Variants in PRDM16 observed in about 807,000 individuals in gnomAD.
PRDM16 encodes the protein PR/SET domain 16.
PRDM16 carries 23 observed loss-of-function variants against 110.6 expected under a neutral mutation model. The observed-to-expected ratio is 0.21, with a 90% CI of 0.15 to 0.29. PRDM16 has a LOEUF of 0.29. Ranked by LOEUF, PRDM16 falls within the 10% of genes least tolerant of loss-of-function variation. The pLI, the probability that PRDM16 is intolerant of heterozygous loss-of-function variation, is 1.00. For missense variants in PRDM16, 1,615 were observed against 1,794.3 expected (o/e 0.90, Z 1.81); for synonymous variants, 799 against 781.8 (o/e 1.02, Z -0.37).
intron 1 of PRDM16, among the ~76,000 whole-genome samples, chr1:3,163,750 G>A (rs538819961): frequency 9.2e-5 from 14 of 152,174 alleles, no homozygotes; most frequent in Non-Finnish European, 1.8e-4. Context: ...CTCAGCCTCT[G>A]TGTGCATGTC....
chr1:3,110,892 T>C (rs1259430271), intron 1 of PRDM16, among the ~76,000 whole-genome samples: 1 of 152,110 alleles, frequency 6.6e-6, no homozygotes, highest in Non-Finnish European at 1.5e-5. Context: ...GCCGAGTCCT[T>C]GCCGCCTGAT....
intron 1 of PRDM16, among the ~76,000 whole-genome samples, chr1:3,097,502 A>G (rs1039473356): frequency 6.6e-6 from 1 of 152,186 alleles, no homozygotes; most frequent in Non-Finnish European, 1.5e-5. Context: ...CTCATTCCAT[A>G]CAGGCCAGAA....
In PRDM16 at chr1:3,069,304, TC is replaced by T; in HGVS notation, c.37+11del. On this transcript the variant is annotated intron_variant, in intron 1 of 16. Coordinates refer to ENST00000270722, the MANE Select transcript of PRDM16 (RefSeq NM_022114.4). This position sits in a 1 kb window ranked among gnomAD's most constrained non-coding sequence, Gnocchi z 6.1. ...CGAGGAAGCTAGCCAAAAGTAAGTC[TC>T]CCGCGCTCGGCCGCGCCGCGCCGCC... 1.4e-6 allele frequency: 2 copies of T among 1,440,272 alleles called. No individual in the cohort carries two copies. The highest frequency in any genetic ancestry group is 1.8e-6 in the Non-Finnish European group (2 of 1,081,886). The allele number at this position is 1,440,272 out of a possible 1,614,324, so 89.2% of individuals were successfully genotyped here.
chr1:3,373,984 CTT>C (rs1222435413), intron 3 of PRDM16, among the ~76,000 whole-genome samples: 2 of 152,364 alleles, frequency 1.3e-5, no homozygotes, highest in Admixed American at 1.3e-4. Context: ...CTGGGTGGAG[CTT>C]GGCCTGCTTC....
Position 3,333,564 on chromosome 1 carries a change from G to A in PRDM16, c.439-51588G>A, listed in dbSNP as rs371851593. ...ATCTGCCCCTTTGATGAGCACAGAC[G>A]TCTCTCCTCCAAAAAGCCTTCCTCC... On this transcript the variant is annotated intron_variant, in intron 3 of 16. Transcript: ENST00000270722. 2.8e-4 allele frequency among the ~76,000 whole-genome samples: 43 copies of A among 152,282 alleles called. No individual in the cohort carries two copies. In the South Asian group the frequency reaches 8.1e-3, roughly 29 times the overall value.
At chr1:3,281,049 G>A (rs76794425) in intron 3 of PRDM16, among the ~76,000 whole-genome samples, 2,575 of 152,284 alleles carry the variant, frequency 0.017, 79 homozygotes, top group African/African-American at 0.059. Context: ...TTCAACACCG[G>A]GCAAGTCCCT....
intron 2 of PRDM16, among the ~76,000 whole-genome samples, chr1:3,193,482 G>A (rs1227777347): frequency 5.3e-5 from 8 of 152,204 alleles, no homozygotes; most frequent in South Asian, 2.1e-4. Flanking sequence ...TGTGTCCAGC[G>A]CCCACTGCTC....
At chr1:3,380,552 G>T (rs1431891090) in intron 3 of PRDM16, among the ~76,000 whole-genome samples, 1 of 152,154 alleles carries the variant, frequency 6.6e-6, no homozygotes, top group Non-Finnish European at 1.5e-5. Context: ...GGGAGTTGTT[G>T]CCTCTGGTCT....
intron 1 of PRDM16, among the ~76,000 whole-genome samples, chr1:3,185,500 G>C (rs1307794450): frequency 1.3e-5 from 2 of 151,958 alleles, no homozygotes; most frequent in African/African-American, 4.8e-5. Flanking sequence ...GGATGTCCAG[G>C]CTGCGGCCCA....
rs773659514 is a variant in PRDM16, at chr1:3,157,183, C to T, written c.38-28942C>T. ...AGGGCGGGACCTGGAGAAGGAGGGC[C>T]GCTCGGCAACCGCTGAGCCGGCGCA... On this transcript the variant is annotated intron_variant, in intron 1 of 16. Transcript: ENST00000270722. This position sits in a 1 kb window ranked among gnomAD's most constrained non-coding sequence, Gnocchi z 4.8. Among the ~76,000 whole-genome samples, 36 of 152,076 alleles carry T rather than the reference C, an allele frequency of 2.4e-4. No homozygotes were observed. The highest frequency in any genetic ancestry group is 4.7e-4 in the Non-Finnish European group (32 of 67,994).
At chr1:3,234,398 A>T (rs1321583054) in intron 2 of PRDM16, among the ~76,000 whole-genome samples, 1 of 151,792 alleles carries the variant, frequency 6.6e-6, no homozygotes, top group African/African-American at 2.4e-5. Context: ...TCCATCCTCA[A>T]CTCCCCAGGC....
chr1:3,349,550 G>T (rs1305257557), intron 3 of PRDM16, among the ~76,000 whole-genome samples: 1 of 152,132 alleles, frequency 6.6e-6, no homozygotes, highest in African/African-American at 2.4e-5. Flanking sequence ...TCAACCCAAG[G>T]GTGTCCTTGT....
Position 3,336,051 on chromosome 1 carries a change from G to A in PRDM16, c.439-49101G>A, listed in dbSNP as rs149468703. Among the ~76,000 whole-genome samples, 919 of 152,328 alleles carry A rather than the reference G, an allele frequency of 6.0e-3. 9 individuals carry two copies. The highest frequency in any genetic ancestry group is 0.02 in the African/African-American group (845 of 41,560). On this transcript the variant is annotated intron_variant, in intron 3 of 16. Coordinates refer to ENST00000270722, the MANE Select transcript of PRDM16 (RefSeq NM_022114.4). ...ACAGCCTGCCCAGAGTATCGCTGAC[G>A]CTGATGTGCAGAACCCCAATCTCCA...
chr1:3,277,974 G>T (rs1436756961), intron 3 of PRDM16, among the ~76,000 whole-genome samples: 2 of 152,230 alleles, frequency 1.3e-5, no homozygotes, highest in African/African-American at 4.8e-5. Flanking sequence ...CTCTAGGTCA[G>T]CGATCATTGC....
chr1:3,135,376 C>A (rs542235753), intron 1 of PRDM16, among the ~76,000 whole-genome samples: 3 of 152,188 alleles, frequency 2.0e-5, no homozygotes, highest in South Asian at 4.1e-4. Flanking sequence ...ACGGGCCCGA[C>A]ATTTTCTCAA....
Position 3,385,153 on chromosome 1 carries a change from T to C in PRDM16, c.440T>C (p.Ile147Thr). The C allele has an allele frequency of 6.2e-7, 1 of 1,613,374 alleles. No homozygotes were observed. Among genetic ancestry groups the C allele is most frequent in the Non-Finnish European group, 8.5e-7 (1 of 1,179,998 alleles). The part of the protein sequence containing the change: ...VSPQEGCITK[I>T]SEDLGSEKFC... Reference sequence around the variant, plus strand: ...CCCGCTTCGCTTTCCTCCCAGCAGATCTCCGAAGACCTGGGCAGTGAGAAG... The same window carrying C: ...CCCGCTTCGCTTTCCTCCCAGCAGACCTCCGAAGACCTGGGCAGTGAGAAG... Residue 147 changes from isoleucine (I) to threonine (T), a missense_variant and splice_region_variant, in exon 4 of 17, where the codon ATC (isoleucine) becomes ACC (threonine). Physicochemically the swap from Ile to Thr is moderately conservative, Grantham distance 89. Transcript: ENST00000270722.
At chr1:3,376,610 G>T (rs1427051381) in intron 3 of PRDM16, among the ~76,000 whole-genome samples, 1 of 152,148 alleles carries the variant, frequency 6.6e-6, no homozygotes, top group Non-Finnish European at 1.5e-5. Flanking sequence ...GCCCACCCTT[G>T]CTCTCTGTCT....
chr1:3,417,949 C>T lies in PRDM16; in HGVS notation c.2813C>T (p.Thr938Met), dbSNP rs541102613. 132 of 1,607,556 alleles carry T rather than the reference C, an allele frequency of 8.2e-5. No homozygotes were observed. Among genetic ancestry groups the T allele is most frequent in the South Asian group, 2.0e-4 (18 of 90,990 alleles). The change falls in exon 11 of 17, where the codon ACG becomes ATG. Residue 938 changes from threonine (T) to methionine (M), a missense_variant. Thr to Met is a moderately conservative substitution (Grantham distance 81). Coordinates refer to ENST00000270722, the MANE Select transcript of PRDM16 (RefSeq NM_022114.4). Reference sequence around the variant, plus strand: ...TTCAACTTCCGGTCCCCACCCCCAACGCTCTCCGACCCCATCCTCAGGAAG... The same window carrying T: ...TTCAACTTCCGGTCCCCACCCCCAATGCTCTCCGACCCCATCCTCAGGAAG... ...HPFNFRSPPP[T>M]LSDPILRKGK...
chr1:3,250,076 A>G (rs1639892416), intron 3 of PRDM16, among the ~76,000 whole-genome samples: 4 of 151,636 alleles, frequency 2.6e-5, no homozygotes, highest in Admixed American at 2.0e-4. Flanking sequence ...GCCCCTGGGG[A>G]CCAGCCCAGG....
Sources: gnomAD v4.1 joint callset for allele counts (sites outside exome capture counted in the v4.1 genomes callset) on GRCh38, gnomAD v4.1.1 for gene constraint, Gnocchi (gnomAD v3.1) non-coding constraint, MANE v1.5 for transcripts, NCBI Gene and HGNC (gene_info 2026-07-23, HGNC 2026-07-21) for gene names.